EEF2KMT: variants seen among roughly 807,000 people sequenced by gnomAD.
EEF2KMT encodes the protein eukaryotic elongation factor 2 lysine methyltransferase.
A neutral mutation model predicts 35.1 loss-of-function variants in EEF2KMT; 30 were observed. The ratio of observed to expected loss-of-function variants is 0.85; its 90% confidence interval spans 0.64 to 1.16. EEF2KMT has a LOEUF of 1.16. EEF2KMT is among the 50% of genes most tolerant of loss of function. The probability of loss-of-function intolerance (pLI) is 0.00; values close to 1 mark genes in which losing one functional copy is unlikely to be tolerated. For missense variants in EEF2KMT, 499 were observed against 438.2 expected (o/e 1.14, Z -1.24); for synonymous variants, 190 against 187.7 (o/e 1.01, Z -0.10).
intron 7 of EEF2KMT, among the ~76,000 whole-genome samples, chr16:5,086,110 CG>C (rs1957154891): frequency 6.6e-6 from 1 of 152,094 alleles, no homozygotes; most frequent in Non-Finnish European, 1.5e-5. Flanking sequence ...CCAAGGCGGG[CG>C]GATCACTTGA....
Position 5,095,402 on chromosome 16 carries a change from A to G in EEF2KMT, c.159+50T>C, listed in dbSNP as rs778656297. 4 of 1,609,718 alleles carry G rather than the reference A, an allele frequency of 2.5e-6. No individual in the cohort carries two copies. In the African/African-American group the frequency reaches 5.3e-5, roughly 22 times the overall value. On this transcript the variant is annotated intron_variant, in intron 2 of 7. Coordinates refer to ENST00000427587, the MANE Select transcript of EEF2KMT (RefSeq NM_201400.4). ...GCAGTTCTTCTCTCAGGTCTTCTGG[A>G]GAGATTCAGGAGGCAGGGTCATGAG...
chr16:5,093,629 C>G, intron 2 of EEF2KMT, 65 bp from the exon 3 acceptor site: 1 of 1,608,020 alleles, frequency 6.2e-7, no homozygotes, highest in East Asian at 2.2e-5. Flanking sequence ...GAGCTTCAAG[C>G]CAACACAGCA....
At chr16:5,089,284 A>G (rs755762933) in intron 6 of EEF2KMT, 28 bp from the exon 7 acceptor site, 2 of 1,600,026 alleles carry the variant, frequency 1.2e-6, no homozygotes, top group South Asian at 1.1e-5. Context: ...GGTTACTGAA[A>G]GGGACCAGTG....
rs138005144 is a variant in EEF2KMT at position 5,091,893 on chromosome 16, G to A, written c.243C>T (p.His81=). 5.0e-6 allele frequency: 8 copies of A among 1,611,362 alleles called. No homozygotes were observed. The Admixed American group carries it at 5.0e-5, about 10-fold the overall frequency. The part of the protein sequence containing the change: ...RCFLSELIKK[H]EAVHTEPLDE... Reference sequence around the variant, plus strand: ...CCAAAGGCTCTGTGTGGACAGCCTCGTGCTGGGGGCAGACAGAGTGAGAGC... The same window carrying A: ...CCAAAGGCTCTGTGTGGACAGCCTCATGCTGGGGGCAGACAGAGTGAGAGC... Residue 81 remains histidine, a splice_region_variant and synonymous_variant, in exon 4 of 8, where the codon CAC becomes CAT. Transcript: ENST00000427587.
chr16:5,089,289 C>T (rs771293532), intron 6 of EEF2KMT, 33 bp from the exon 7 acceptor site: 26 of 1,599,182 alleles, frequency 1.6e-5, no homozygotes, highest in Admixed American at 1.5e-4. Flanking sequence ...CTGAAAGGGA[C>T]CAGTGGACAG....
intron 1 of EEF2KMT, 66 bp from the exon 2 acceptor site, chr16:5,095,580 A>G: frequency 6.2e-7 from 1 of 1,605,508 alleles, no homozygotes; most frequent in Non-Finnish European, 8.5e-7. Context: ...ACGCAATAGA[A>G]TGTGTTGGCA....
In EEF2KMT at chr16:5,085,709, C is replaced by T. The variant is rs1434912694; in HGVS notation, c.916G>A (p.Val306Met). Residue 306 changes from valine (V) to methionine (M), a missense_variant, in exon 8 of 8, where the codon GTG becomes ATG. By Grantham distance (21) the Val-to-Met change is conservative. Transcript: ENST00000427587. The stretch of plus-strand genomic sequence containing the variant: ...AGTTTCTGCTCATGACGAGGTTCCA[C>T]TTCCCATCTGATCCCGGCCCGGCCT... ...ELGRAGIRWEVEPRHEQKLFP... is the reference protein window; with the variant it reads ...ELGRAGIRWEMEPRHEQKLFP... 1.2e-6 allele frequency: 2 copies of T among 1,611,756 alleles called. No individual in the cohort carries two copies. The highest frequency in any genetic ancestry group is 1.7e-5 in the Admixed American group (1 of 59,988).
intron 7 of EEF2KMT, among the ~76,000 whole-genome samples, chr16:5,088,431 C>T (rs1439456964): frequency 6.6e-6 from 1 of 152,146 alleles, no homozygotes; most frequent in African/African-American, 2.4e-5. Context: ...AGGGGCTGTG[C>T]TCAGGGGGAG....
intron 7 of EEF2KMT, among the ~76,000 whole-genome samples, chr16:5,086,293 C>T (rs111263245): frequency 0.1 from 15,024 of 146,974 alleles, 799 homozygotes; most frequent in Admixed American, 0.14. Flanking sequence ...TGAGATTGTG[C>T]CACTGCACTC....
chr16:5,085,018 TA>T lies in EEF2KMT; in HGVS notation c.*613del. 2 of 1,493,348 alleles carry T rather than the reference TA, an allele frequency of 1.3e-6. No individual in the cohort carries two copies. The highest frequency in any genetic ancestry group is 1.1e-5 in the South Asian group (1 of 87,164). The allele number at this position is 1,493,348 out of a possible 1,614,324, so 92.5% of individuals were successfully genotyped here. ...AAATGACAGCAGTGGTACTGCCTGG[TA>T]AAAGAATTGGTTCTGTGACCCGGGA... On this transcript the variant is annotated 3_prime_UTR_variant, in exon 8 of 8. Coordinates refer to ENST00000427587, the MANE Select transcript of EEF2KMT (RefSeq NM_201400.4).
Position 5,097,279 on chromosome 16 carries a change from C to T in EEF2KMT, c.96+365G>A, listed in dbSNP as rs1475212876. 38 of 1,325,888 alleles carry T rather than the reference C, an allele frequency of 2.9e-5. No individual in the cohort carries two copies. In the Admixed American group the frequency reaches 8.6e-4, roughly 30 times the overall value. The allele number at this position is 1,325,888 out of a possible 1,614,324, so 82.1% of individuals were successfully genotyped here. On this transcript the variant is annotated intron_variant, in intron 1 of 7. Coordinates refer to ENST00000427587, the MANE Select transcript of EEF2KMT (RefSeq NM_201400.4). ...CACCGCGCTCAGGAGGACGTGGTTA[C>T]CTGCGGTCCTGACGGCGCTGACTTT... is the stretch of plus-strand genomic sequence containing the variant.
In EEF2KMT at chr16:5,085,283, C is replaced by T. The variant is rs1392786556; in HGVS notation, c.*349G>A. On this transcript the variant is annotated 3_prime_UTR_variant, in exon 8 of 8. Coordinates refer to ENST00000427587, the MANE Select transcript of EEF2KMT (RefSeq NM_201400.4). ...CACCGTAAGCCCAGGGATGTGGCAG[C>T]TGCAGTGGGCTTGGCTTTGTGAGGA... The T allele has an allele frequency of 4.1e-6, 2 of 486,508 alleles. No individual in the cohort carries two copies. The highest frequency in any genetic ancestry group is 7.5e-6 in the Non-Finnish European group (2 of 266,600). 30.1% of individuals were successfully genotyped at this position (486,508 alleles called of 1,614,324 possible).
In EEF2KMT at chr16:5,090,869, G is replaced by A. The variant is rs972404958; in HGVS notation, c.343-304C>T. On this transcript the variant is annotated intron_variant, in intron 4 of 7. Coordinates refer to ENST00000427587, the MANE Select transcript of EEF2KMT (RefSeq NM_201400.4). The surrounding 1 kb of genome is among the most constrained non-coding windows in gnomAD (Gnocchi z 4.1). ...GGGACAGGTGTGGCTATGAAGGGGT[G>A]GCTGCCTTGTGATGATTCAATATGC... Among the ~76,000 whole-genome samples, 1 of 152,138 alleles carries A rather than the reference G, an allele frequency of 6.6e-6. No individual in the cohort carries two copies. Among genetic ancestry groups the A allele is most frequent in the African/African-American group, 2.4e-5 (1 of 41,446 alleles).
chr16:5,093,737 G>T (rs1331627707), intron 2 of EEF2KMT, among the ~76,000 whole-genome samples, 173 bp from the exon 3 acceptor site: 1 of 152,164 alleles, frequency 6.6e-6, no homozygotes, highest in African/African-American at 2.4e-5. Flanking sequence ...GATATAAGCT[G>T]TTTCCTAAAA....
chr16:5,090,633 C>T lies in EEF2KMT; in HGVS notation c.343-68G>A, dbSNP rs765774859. On this transcript the variant is annotated intron_variant, in intron 4 of 7. Transcript: ENST00000427587. The surrounding 1 kb of genome is among the most constrained non-coding windows in gnomAD (Gnocchi z 4.1). ...GGCAAGTGGCTTAGAAGACAAGTAG[C>T]CCCACCACATGGCTGAATAAACCAT... The T allele has an allele frequency of 3.8e-5, 61 of 1,597,026 alleles. No homozygotes were observed. Among genetic ancestry groups the T allele is most frequent in the African/African-American group, 6.7e-5 (5 of 74,492 alleles).
In EEF2KMT at chr16:5,089,147, G is replaced by C; in HGVS notation, c.852C>G (p.Val284=). Residue 284 remains valine, a synonymous_variant, in exon 7 of 8, where the codon GTC becomes GTG. Coordinates refer to ENST00000427587, the MANE Select transcript of EEF2KMT (RefSeq NM_201400.4). ...RAPEVYVAFT[V]RNPETCQLFT... ...ACAGCTGGCACGTCTCTGGGTTGCG[G>C]ACGGTAAAGGCCACGTAGACCTCAG... 1 of 1,612,672 alleles carries C rather than the reference G, an allele frequency of 6.2e-7. No homozygotes were observed. Among genetic ancestry groups the C allele is most frequent in the Non-Finnish European group, 8.5e-7 (1 of 1,179,866 alleles).
Position 5,095,611 on chromosome 16 carries a change from C to T in EEF2KMT, c.97-97G>A, listed in dbSNP as rs567276934. Reference sequence around the variant, plus strand: ...TGGCAAAGCGCTGTGTGATCCCTCCCTGGGGACGTGGAGCCAGTTGGAAGT... The same window carrying T: ...TGGCAAAGCGCTGTGTGATCCCTCCTTGGGGACGTGGAGCCAGTTGGAAGT... On this transcript the variant is annotated intron_variant, in intron 1 of 7. Transcript: ENST00000427587. 115 of 1,579,514 alleles carry T rather than the reference C, an allele frequency of 7.3e-5. 1 individual carries two copies. In the East Asian group the frequency reaches 2.5e-3, roughly 34 times the overall value.
chr16:5,090,114 C>G lies in EEF2KMT; in HGVS notation c.712G>C (p.Ala238Pro). ...WDVATVHQLS[A>P]FQPDVVIAAD... ...GCAATGACAACATCTGGCTGGAAGG[C>G]AGAGAGCTGATGGACCGTCGCGACG... is the stretch of plus-strand genomic sequence containing the variant. The change falls in exon 6 of 8, where the codon GCC becomes CCC. Residue 238 changes from alanine to proline, a missense_variant. Physicochemically the swap from Ala to Pro is conservative, Grantham distance 27. Coordinates refer to ENST00000427587, the MANE Select transcript of EEF2KMT (RefSeq NM_201400.4). The surrounding 1 kb of genome is among the most constrained non-coding windows in gnomAD (Gnocchi z 4.1). The G allele has an allele frequency of 6.2e-7, 1 of 1,608,134 alleles. No homozygotes were observed. The highest frequency in any genetic ancestry group is 8.5e-7 in the Non-Finnish European group (1 of 1,179,844).
At chr16:5,096,781 G>T (rs1173055567) in intron 1 of EEF2KMT, among the ~76,000 whole-genome samples, 1 of 152,208 alleles carries the variant, frequency 6.6e-6, no homozygotes, top group Non-Finnish European at 1.5e-5. Flanking sequence ...GCCCAAGTTA[G>T]CATTCAGCGT....
Sources: gnomAD v4.1 joint callset for allele counts (sites outside exome capture counted in the v4.1 genomes callset) on GRCh38, gnomAD v4.1.1 for gene constraint, Gnocchi (gnomAD v3.1) non-coding constraint, MANE v1.5 for transcripts, NCBI Gene and HGNC (gene_info 2026-07-23, HGNC 2026-07-21) for gene names.